PPP2R5E: variants seen among roughly 807,000 people sequenced by gnomAD.
PPP2R5E encodes serine/threonine-protein phosphatase 2A 56 kDa regulatory subunit epsilon isoform.
A neutral mutation model predicts 65.3 loss-of-function variants in PPP2R5E; 4 were observed. The ratio of observed to expected loss-of-function variants is 0.06; its 90% CI spans 0.03 to 0.14. The LOEUF is 0.14. Ranked by LOEUF, PPP2R5E falls within the 10% of genes least tolerant of loss-of-function variation. PPP2R5E has a pLI of 1.00. For missense variants in PPP2R5E, 274 were observed against 556.1 expected (o/e 0.49, Z 5.10); for synonymous variants, 183 against 187.4 (o/e 0.98, Z 0.19).
intron 3 of PPP2R5E, among the ~76,000 whole-genome samples, chr14:63,434,596 C>A (rs1887860721): frequency 6.6e-6 from 1 of 152,200 alleles, no homozygotes; most frequent in African/African-American, 2.4e-5. Flanking sequence ...GTCCAGGGCA[C>A]ATGGATATCC....
chr14:63,515,902 T>C (rs560149936), intron 2 of PPP2R5E, among the ~76,000 whole-genome samples: 13 of 147,228 alleles, frequency 8.8e-5, no homozygotes, highest in Admixed American at 1.4e-4. Flanking sequence ...CAGGCTGGAG[T>C]GCAGTGGTGC....
chr14:63,498,657 CAAGTAAT>C (rs1891702549), intron 2 of PPP2R5E, among the ~76,000 whole-genome samples: 1 of 151,976 alleles, frequency 6.6e-6, no homozygotes, highest in Non-Finnish European at 1.5e-5. Flanking sequence ...TCCCCAAGCT[CAAGTAAT>C]CCTCCCACCT....
chr14:63,464,286 G>A (rs1346997587), intron 2 of PPP2R5E, among the ~76,000 whole-genome samples: 2 of 152,170 alleles, frequency 1.3e-5, no homozygotes, highest in African/African-American at 4.8e-5. Flanking sequence ...ATGCTATGGG[G>A]AATAATAGTG....
intron 2 of PPP2R5E, among the ~76,000 whole-genome samples, chr14:63,489,022 A>C (rs996179487): frequency 6.6e-6 from 1 of 152,092 alleles, no homozygotes; most frequent in Non-Finnish European, 1.5e-5. Context: ...ATGGAAACCC[A>C]GAGGCGTTAA....
chr14:63,410,374 G>A (rs1198202349), intron 5 of PPP2R5E, among the ~76,000 whole-genome samples: 4 of 152,184 alleles, frequency 2.6e-5, no homozygotes, highest in African/African-American at 9.7e-5. Flanking sequence ...TCAGAAAAAT[G>A]CAAGGACAAG....
At chr14:63,542,370 G>A (rs1893935820) in intron 1 of PPP2R5E, among the ~76,000 whole-genome samples, 1 of 152,120 alleles carries the variant, frequency 6.6e-6, no homozygotes, top group African/African-American at 2.4e-5. Context: ...AGGGGAAGTA[G>A]GGAAAGACAG....
At chr14:63,460,223 T>G (rs1889376962) in intron 2 of PPP2R5E, among the ~76,000 whole-genome samples, 1 of 152,192 alleles carries the variant, frequency 6.6e-6, no homozygotes, top group South Asian at 2.1e-4. Context: ...TCAGAATATC[T>G]TAGGTGTAGC....
At chr14:63,399,552 A>G (rs1452482666) in intron 5 of PPP2R5E, among the ~76,000 whole-genome samples, 1 of 151,782 alleles carries the variant, frequency 6.6e-6, no homozygotes, top group Non-Finnish European at 1.5e-5. Context: ...CTGCAATGAT[A>G]CTGTGGTGAT....
At chr14:63,535,811 A>C (rs1893652723) in intron 2 of PPP2R5E, among the ~76,000 whole-genome samples, 1 of 152,216 alleles carries the variant, frequency 6.6e-6, no homozygotes, top group Non-Finnish European at 1.5e-5. Flanking sequence ...TAGAAAATTA[A>C]ATCAATAACT....
At chr14:63,388,125 T>C (rs1359861374) in intron 11 of PPP2R5E, among the ~76,000 whole-genome samples, 2 of 149,060 alleles carry the variant, frequency 1.3e-5, no homozygotes, top group African/African-American at 2.5e-5. Flanking sequence ...TTTTTTTTTT[T>C]CTCCTTTCTT....
intron 11 of PPP2R5E, among the ~76,000 whole-genome samples, chr14:63,388,915 G>A (rs561779541): frequency 1.5e-4 from 23 of 152,294 alleles, no homozygotes; most frequent in African/African-American, 5.5e-4. Flanking sequence ...AACCTAACGT[G>A]TGCTCCCCCA....
chr14:63,464,669 T>G (rs1490191645), intron 2 of PPP2R5E, among the ~76,000 whole-genome samples: 1 of 152,250 alleles, frequency 6.6e-6, no homozygotes, highest in Non-Finnish European at 1.5e-5. Context: ...TACTGTTTAC[T>G]GACAATGGAC....
At chr14:63,410,017 C>T (rs1034887816) in intron 5 of PPP2R5E, among the ~76,000 whole-genome samples, 3 of 152,164 alleles carry the variant, frequency 2.0e-5, no homozygotes, top group African/African-American at 7.2e-5. Context: ...CCTAACTTTC[C>T]ACTACGTCAT....
intron 6 of PPP2R5E, 88 bp from the exon 7 acceptor site, chr14:63,395,373 GGAGGAGGAGGAGAA>G (rs1416024547): frequency 2.0e-5 from 15 of 740,792 alleles, no homozygotes; most frequent in Non-Finnish European, 2.6e-5. Context: ...AGGAGAAGGG[GGAGGAGGAGGAGAA>G]GAGGAGGAGG....
At chr14:63,399,370 T>TTTC (rs1885610855) in intron 5 of PPP2R5E, among the ~76,000 whole-genome samples, 1 of 75,954 alleles carries the variant, frequency 1.3e-5, no homozygotes, top group African/African-American at 7.9e-5. Context: ...TTCTTTCTTT[T>TTTC]TTTTTTTTTT....
At chr14:63,508,512 T>C (rs569367268) in intron 2 of PPP2R5E, among the ~76,000 whole-genome samples, 5 of 152,350 alleles carry the variant, frequency 3.3e-5, no homozygotes, top group Admixed American at 3.3e-4. Context: ...TATCACTGCA[T>C]TGAATCCTTA....
At chr14:63,415,326 G>A (rs1055200409) in intron 4 of PPP2R5E, 94 bp from the exon 5 acceptor site, 1 of 787,410 alleles carries the variant, frequency 1.3e-6, no homozygotes, top group African/African-American at 1.8e-5. Flanking sequence ...AAGTGACAGG[G>A]CTTAGAAAAT....
At chr14:63,423,111 T>C (rs932399766) in intron 3 of PPP2R5E, among the ~76,000 whole-genome samples, 1 of 152,234 alleles carries the variant, frequency 6.6e-6, no homozygotes, top group African/African-American at 2.4e-5. Context: ...TTTTGTTTTT[T>C]TGAGACGGAG....
chr14:63,491,808 T>C (rs576594711), intron 2 of PPP2R5E, among the ~76,000 whole-genome samples: 40 of 152,222 alleles, frequency 2.6e-4, no homozygotes, highest in Middle Eastern at 3.4e-3. Context: ...GATTGCACCA[T>C]TGCACTCCAG....
Sources: gnomAD v4.1 joint callset for allele counts (sites outside exome capture counted in the v4.1 genomes callset) on GRCh38, gnomAD v4.1.1 for gene constraint, MANE v1.5 for transcripts, NCBI Gene and HGNC (gene_info 2026-07-23, HGNC 2026-07-21) for gene names.